The following DCTD variants were observed in gnomAD, a reference collection of about 807,000 sequenced individuals.
DCTD encodes dCMP deaminase.
DCTD carries 23 observed loss-of-function variants against 21.0 expected under a neutral mutation model. The ratio of observed to expected loss-of-function variants is 1.09; its 90% CI spans 0.79 to 1.55. The LOEUF (loss-of-function observed/expected upper bound fraction) is 1.55, where lower values mean the gene tolerates loss of function less well. Among genes scored for constraint, DCTD ranks in the 40% most tolerant of loss-of-function variants. The probability of loss-of-function intolerance (pLI) is 0.00; values close to 1 mark genes in which losing one functional copy is unlikely to be tolerated. For synonymous variants in DCTD, 71 were observed against 81.1 expected, an observed-to-expected ratio of 0.88 and a Z score of 0.67; for missense variants, 224 against 230.0, an observed-to-expected ratio of 0.97 and a Z score of 0.17.
intron 3 of DCTD, among the ~76,000 whole-genome samples, chr4:182,909,399 C>T (rs1411099531): frequency 6.6e-6 from 1 of 152,106 alleles, no homozygotes; most frequent in Non-Finnish European, 1.5e-5. Flanking sequence ...AATTTCTTTT[C>T]TATGCAGTTG....
rs1234378051 is a variant in DCTD, at chr4:182,895,747, C to T, written c.245-1142G>A. On this transcript the variant is annotated intron_variant, in intron 3 of 5. Transcript: ENST00000438320. ...AAAACTCTATTATAAATCCTAACAG[C>T]CGTGACTTGCAAACCTCTCTGATAT... 2.6e-5 allele frequency among the ~76,000 whole-genome samples: 4 copies of T among 152,214 alleles called. No homozygotes were observed. The East Asian group carries it at 7.7e-4, about 29-fold the overall frequency.
chr4:182,916,705 G>A (rs913732926), intron 1 of DCTD: 119 of 1,039,460 alleles, frequency 1.1e-4, no homozygotes, highest in Non-Finnish European at 1.3e-4. Context: ...TCATCGCTGT[G>A]GGGTGCTGGA....
At chr4:182,901,102 TCTGATATAAGA>T (rs1430235553) in intron 3 of DCTD, among the ~76,000 whole-genome samples, 5 of 152,188 alleles carry the variant, frequency 3.3e-5, no homozygotes, top group Non-Finnish European at 7.3e-5. Context: ...TTTCACCTCA[TCTGATATAAGA>T]CTGATACAAT....
chr4:182,891,377 T>G lies in DCTD; in HGVS notation c.*22A>C. 4 of 1,531,854 alleles carry G rather than the reference T, an allele frequency of 2.6e-6. No homozygotes were observed. Among genetic ancestry groups the G allele is most frequent in the Non-Finnish European group, 3.6e-6 (4 of 1,105,266 alleles). 94.9% of individuals were successfully genotyped at this position (1,531,854 alleles called of 1,614,324 possible). ...TTAGAAGACGATAATCCCAATCTTC[T>G]GGAGATTGAATGAGATGTAACTCAC... On this transcript the variant is annotated 3_prime_UTR_variant, in exon 6 of 6. Coordinates refer to ENST00000438320, the MANE Select transcript of DCTD (RefSeq NM_001921.3).
At chr4:182,892,298 TA>T (rs1456901062) in intron 5 of DCTD, among the ~76,000 whole-genome samples, 9 of 152,258 alleles carry the variant, frequency 5.9e-5, no homozygotes, top group Non-Finnish European at 1.2e-4. Flanking sequence ...TACTTGCAAG[TA>T]AAATATAGCT....
chr4:182,908,682 C>CAAAAAAAAAAAAAAAAAAAAAAAAAA (rs34915632), intron 3 of DCTD, among the ~76,000 whole-genome samples: 1 of 63,738 alleles, frequency 1.6e-5, no homozygotes, highest in Non-Finnish European at 2.9e-5. Context: ...GACTCTGTCT[C>CAAAAAAAAAAAAAAAAAAAAAAAAAA]AAAAAAAAAA....
intron 3 of DCTD, among the ~76,000 whole-genome samples, chr4:182,905,329 T>C (rs917631440): frequency 2.7e-5 from 4 of 146,804 alleles, no homozygotes; most frequent in Non-Finnish European, 6.0e-5. Context: ...CCGCCTTCTT[T>C]TTTTTTTTTT....
chr4:182,891,306 G>T lies in DCTD; in HGVS notation c.*93C>A. On this transcript the variant is annotated 3_prime_UTR_variant, in exon 6 of 6. Transcript: ENST00000438320. ...ATGCCTACTTTTGCCATACTGGCTA[G>T]TAAGAAGTTATGTGTAACTTCAAGA... is the stretch of plus-strand genomic sequence containing the variant. 1 of 864,678 alleles carries T rather than the reference G, an allele frequency of 1.2e-6. No individual in the cohort carries two copies. The highest frequency in any genetic ancestry group is 2.0e-6 in the Non-Finnish European group (1 of 512,086). 53.6% of individuals were successfully genotyped at this position (864,678 alleles called of 1,614,324 possible). A position where few individuals can be genotyped will look rare whatever the true frequency, so the allele number is the denominator to read the frequency against.
intron 3 of DCTD, among the ~76,000 whole-genome samples, chr4:182,903,400 G>A (rs941760774): frequency 6.6e-5 from 10 of 151,958 alleles, no homozygotes; most frequent in Middle Eastern, 3.2e-3. Flanking sequence ...GAGCCCTCCC[G>A]CCATGGAGGG....
At chr4:182,914,506 G>A (rs1052674509) in intron 3 of DCTD, among the ~76,000 whole-genome samples, 2 of 152,202 alleles carry the variant, frequency 1.3e-5, no homozygotes, top group African/African-American at 2.4e-5. Flanking sequence ...ACCAAAGCCC[G>A]AGCCAGCCCC....
chr4:182,903,474 C>T (rs771533589), intron 3 of DCTD, among the ~76,000 whole-genome samples: 3 of 152,080 alleles, frequency 2.0e-5, no homozygotes, highest in Admixed American at 6.5e-5. Context: ...AGACGAGAAA[C>T]GGGGGTGATG....
At chr4:182,898,561 C>T (rs1168586714) in intron 3 of DCTD, among the ~76,000 whole-genome samples, 1 of 152,146 alleles carries the variant, frequency 6.6e-6, no homozygotes, top group Non-Finnish European at 1.5e-5. Flanking sequence ...AACAAGCTTT[C>T]ACTATCAAAA....
chr4:182,900,877 T>G (rs1302445466), intron 3 of DCTD, among the ~76,000 whole-genome samples: 2 of 151,644 alleles, frequency 1.3e-5, no homozygotes, highest in African/African-American at 4.8e-5. Flanking sequence ...TTTTTTCTTT[T>G]CTATTACTAA....
chr4:182,909,806 G>A (rs1401115406), intron 3 of DCTD, among the ~76,000 whole-genome samples: 1 of 152,174 alleles, frequency 6.6e-6, no homozygotes, highest in Non-Finnish European at 1.5e-5. Context: ...AAAGTAAATG[G>A]CTAAGTAATC....
At chr4:182,894,806 A>T (rs1734439731) in intron 3 of DCTD, among the ~76,000 whole-genome samples, 1 of 152,234 alleles carries the variant, frequency 6.6e-6, no homozygotes. Context: ...TGAGGCCTGA[A>T]GGCACCTAGA....
intron 3 of DCTD, among the ~76,000 whole-genome samples, chr4:182,903,755 C>T (rs1163554734): frequency 3.9e-5 from 6 of 152,128 alleles, no homozygotes; most frequent in Non-Finnish European, 7.3e-5. Flanking sequence ...TGCAACAATG[C>T]ACTCAGGGGT....
intron 3 of DCTD, among the ~76,000 whole-genome samples, chr4:182,909,720 C>G (rs1737343238): frequency 6.6e-6 from 1 of 152,164 alleles, no homozygotes; most frequent in Non-Finnish European, 1.5e-5. Context: ...ATTAGTTTCT[C>G]AACACTAACC....
At chr4:182,893,649 C>T (rs73002913) in intron 4 of DCTD, among the ~76,000 whole-genome samples, 2,624 of 152,352 alleles carry the variant, frequency 0.017, 71 homozygotes, top group African/African-American at 0.059. Flanking sequence ...CACTGAAGGC[C>T]GCTGCTCCAT....
intron 3 of DCTD, among the ~76,000 whole-genome samples, chr4:182,903,698 C>T (rs1165692353): frequency 6.6e-6 from 1 of 152,026 alleles, no homozygotes. Context: ...CGCCTGCCCA[C>T]AGCCCAGGGC....
Sources: allele counts gnomAD v4.1 joint callset (sites outside exome capture counted in the v4.1 genomes callset), GRCh38; gene constraint gnomAD v4.1.1; transcripts MANE v1.5; gene names NCBI Gene and HGNC (gene_info 2026-07-23, HGNC 2026-07-21).